Variants in LRP1B observed in about 807,000 individuals in gnomAD.
LRP1B encodes the protein low-density lipoprotein receptor-related protein 1B.
LRP1B carries 217 observed loss-of-function variants against 556.6 expected under a neutral mutation model. That is an observed-to-expected ratio of 0.39 (90% confidence interval 0.35 to 0.44). LRP1B has a LOEUF of 0.44. LRP1B is among the 20% of genes least tolerant of loss of function. The probability of loss-of-function intolerance (pLI) is 1.00; values close to 1 mark genes in which losing one functional copy is unlikely to be tolerated. For missense variants in LRP1B, 5,053 were observed against 5,620.8 expected, an observed-to-expected ratio of 0.90 and a Z score of 3.23; for synonymous variants, 2,047 against 1,865.8, an observed-to-expected ratio of 1.10 and a Z score of -2.50.
intron 11 of LRP1B, among the ~76,000 whole-genome samples, chr2:141,033,842 C>T (rs1698451653): frequency 6.6e-6 from 1 of 152,086 alleles, no homozygotes; most frequent in South Asian, 2.1e-4. Flanking sequence ...TTCATTTAAC[C>T]CAAACAAAAT....
chr2:141,950,911 T>C (rs912578116), intron 1 of LRP1B, among the ~76,000 whole-genome samples: 1 of 152,136 alleles, frequency 6.6e-6, no homozygotes, highest in African/African-American at 2.4e-5. Context: ...GTTGGTATCC[T>C]TCTCCACATC....
At chr2:141,650,189 G>T (rs1466771640) in intron 2 of LRP1B, among the ~76,000 whole-genome samples, 1 of 152,086 alleles carries the variant, frequency 6.6e-6, no homozygotes, top group Non-Finnish European at 1.5e-5. Context: ...CAATATGAAA[G>T]ATATAGTGTC....
chr2:140,361,148 C>G (rs1308568318), intron 72 of LRP1B, among the ~76,000 whole-genome samples: 1 of 150,332 alleles, frequency 6.7e-6, no homozygotes, highest in Non-Finnish European at 1.5e-5. Flanking sequence ...CCACTTTCTT[C>G]CCAATAACCT....
rs1199886442 is a variant in LRP1B, at chr2:140,358,805, C to T, written c.11257+16G>A. On this transcript the variant is annotated intron_variant, in intron 73 of 90. Transcript: ENST00000389484. Reference sequence around the variant, plus strand: ...TCATAGCCATCACTGAATTATTTCACATTAAATGCATTTACCACCACAGTG... The same window carrying T: ...TCATAGCCATCACTGAATTATTTCATATTAAATGCATTTACCACCACAGTG... 1.2e-6 allele frequency: 2 copies of T among 1,605,096 alleles called. No individual in the cohort carries two copies. The highest frequency in any genetic ancestry group is 2.7e-5 in the African/African-American group (2 of 74,532).
At chr2:141,444,767 GA>G (rs1327648312) in intron 3 of LRP1B, among the ~76,000 whole-genome samples, 1 of 152,166 alleles carries the variant, frequency 6.6e-6, no homozygotes, top group Non-Finnish European at 1.5e-5. Flanking sequence ...TTGCATCCCA[GA>G]AATGAAGCTG....
At chr2:141,326,320 A>G (rs975365) in intron 3 of LRP1B, among the ~76,000 whole-genome samples, 111,941 of 152,010 alleles carry the variant, frequency 0.74, 42,183 homozygotes, top group African/African-American at 0.84. Context: ...CAAGGAGAAA[A>G]CATTGCCTGA....
At chr2:140,696,455 A>G (rs982687828) in intron 41 of LRP1B, among the ~76,000 whole-genome samples, 5 of 152,174 alleles carry the variant, frequency 3.3e-5, no homozygotes, top group African/African-American at 1.2e-4. Flanking sequence ...TTAATGCACT[A>G]CTTTATATCT....
chr2:140,978,724 T>C (rs1215287626), intron 18 of LRP1B, among the ~76,000 whole-genome samples: 1 of 152,220 alleles, frequency 6.6e-6, no homozygotes, highest in African/African-American at 2.4e-5. Flanking sequence ...TCTCTTCTGA[T>C]GTAAATTTTG....
At chr2:141,799,930 A>G (rs1695952425) in intron 2 of LRP1B, among the ~76,000 whole-genome samples, 1 of 152,040 alleles carries the variant, frequency 6.6e-6, no homozygotes. Flanking sequence ...TATAAATATT[A>G]ACCTATATAA....
chr2:141,720,143 C>A (rs1289412192), intron 2 of LRP1B, among the ~76,000 whole-genome samples: 1 of 152,092 alleles, frequency 6.6e-6, no homozygotes, highest in Non-Finnish European at 1.5e-5. Flanking sequence ...GGCATTACCT[C>A]TATTAAAAGG....
At chr2:141,987,000 C>T (rs758092013) in intron 1 of LRP1B, among the ~76,000 whole-genome samples, 23 of 152,024 alleles carry the variant, frequency 1.5e-4, no homozygotes, top group South Asian at 1.2e-3. Flanking sequence ...ATTTCTTTAC[C>T]TATAAAAATG....
chr2:140,409,856 A>G (rs933807413), intron 66 of LRP1B, among the ~76,000 whole-genome samples: 2 of 152,016 alleles, frequency 1.3e-5, no homozygotes, highest in African/African-American at 4.8e-5. Flanking sequence ...TAACATAAAT[A>G]ATTATCCCAA....
At chr2:140,547,659 G>A (rs111890732) in intron 43 of LRP1B, among the ~76,000 whole-genome samples, 5 of 152,026 alleles carry the variant, frequency 3.3e-5, no homozygotes, top group African/African-American at 1.2e-4. Flanking sequence ...AATATAGGAA[G>A]TAATTCCTTC....
chr2:140,783,850 G>C (rs903484585), intron 32 of LRP1B, among the ~76,000 whole-genome samples: 4 of 152,186 alleles, frequency 2.6e-5, no homozygotes, highest in Non-Finnish European at 5.9e-5. Flanking sequence ...CCAGGACACT[G>C]AGAAGAAGGA....
intron 11 of LRP1B, among the ~76,000 whole-genome samples, chr2:141,021,479 A>C (rs2105399312): frequency 6.6e-6 from 1 of 152,124 alleles, no homozygotes; most frequent in South Asian, 2.1e-4. Flanking sequence ...TAGAAAAAGA[A>C]GTTTAATTTT....
chr2:141,229,770 C>T (rs1301675075), intron 5 of LRP1B, among the ~76,000 whole-genome samples: 1 of 152,138 alleles, frequency 6.6e-6, no homozygotes, highest in African/African-American at 2.4e-5. Context: ...TCTAGACTGA[C>T]CTCTCCATAC....
At chr2:141,984,062 AAAAATAAATAAATAAAT>A (rs1702117351) in intron 1 of LRP1B, among the ~76,000 whole-genome samples, 1 of 152,190 alleles carries the variant, frequency 6.6e-6, no homozygotes, top group Admixed American at 6.6e-5. Flanking sequence ...ACTCCATCTC[AAAAATAAATAAATAAAT>A]AAAAAGCCCA....
chr2:140,296,246 G>A (rs1683599550), intron 84 of LRP1B, among the ~76,000 whole-genome samples: 1 of 152,102 alleles, frequency 6.6e-6, no homozygotes, highest in African/African-American at 2.4e-5. Flanking sequence ...TTCAGGCTTT[G>A]TGTATAAAGT....
intron 35 of LRP1B, among the ~76,000 whole-genome samples, chr2:140,738,442 C>T (rs192312378): frequency 1.3e-5 from 2 of 152,086 alleles, no homozygotes; most frequent in African/African-American, 2.4e-5. Flanking sequence ...ATAACATGCA[C>T]TTCTCAAATT....
Sources: allele counts gnomAD v4.1 joint callset (sites outside exome capture counted in the v4.1 genomes callset), GRCh38; gene constraint gnomAD v4.1.1; transcripts MANE v1.5; gene names NCBI Gene and HGNC (gene_info 2026-07-23, HGNC 2026-07-21).